The following FTO variants were observed in gnomAD, a reference collection of about 807,000 sequenced individuals.
The protein encoded by FTO is FTO alpha-ketoglutarate dependent dioxygenase.
FTO carries 47 observed loss-of-function variants against 63.9 expected under a neutral mutation model. That is an observed-to-expected ratio of 0.74 (90% confidence interval 0.58 to 0.94). The LOEUF (loss-of-function observed/expected upper bound fraction) is 0.94. FTO is among the 40% of genes least tolerant of loss of function. The pLI is 0.00. For missense variants in FTO, 562 were observed against 618.1 expected (o/e 0.91, Z 0.96); for synonymous variants, 207 against 224.4 (o/e 0.92, Z 0.69).
intron 1 of FTO, among the ~76,000 whole-genome samples, chr16:53,710,711 T>A (rs1346240406): frequency 6.6e-6 from 1 of 152,210 alleles, no homozygotes; most frequent in Non-Finnish European, 1.5e-5. Context: ...TTTTCTAATA[T>A]TTAAAAGTTG....
rs549035077 is a variant in FTO, at chr16:53,902,829, C to T, written c.1239+13878C>T. Reference sequence around the variant, plus strand: ...GGATGCAGAATTCAAAAGTTATCAACGTGGCCGGGCATGGTGGCTCATTCC... The same window carrying T: ...GGATGCAGAATTCAAAAGTTATCAATGTGGCCGGGCATGGTGGCTCATTCC... On this transcript the variant is annotated intron_variant, in intron 7 of 8. Transcript: ENST00000471389. Among the ~76,000 whole-genome samples, 260 of 152,298 alleles carry T rather than the reference C, an allele frequency of 1.7e-3. 1 individual carries two copies. The highest frequency in any genetic ancestry group is 5.8e-3 in the African/African-American group (243 of 41,570).
intron 1 of FTO, among the ~76,000 whole-genome samples, chr16:53,763,335 G>T (rs1324730211): frequency 6.6e-6 from 1 of 152,116 alleles, no homozygotes; most frequent in African/African-American, 2.4e-5. Context: ...GATAAATAAA[G>T]GTTGACAATG....
chr16:54,065,616 A>T (rs1298787849), intron 8 of FTO, among the ~76,000 whole-genome samples: 1 of 152,214 alleles, frequency 6.6e-6, no homozygotes, highest in Non-Finnish European at 1.5e-5. Flanking sequence ...TTTCAGCGAG[A>T]GTGCTTGCAG....
rs144602783 is a variant in FTO at position 53,923,745 on chromosome 16, C to T, written c.1240-10240C>T. On this transcript the variant is annotated intron_variant, in intron 7 of 8. Transcript: ENST00000471389. ...TTTTCACCATCATCTGAAACACCAG[C>T]GTTGCCAACTGGAGCTCTGAGGTCT... Among the ~76,000 whole-genome samples, 365 of 151,850 alleles carry T rather than the reference C, an allele frequency of 2.4e-3. 1 individual carries two copies. Among genetic ancestry groups the T allele is most frequent in the Middle Eastern group, 0.01 (3 of 294 alleles).
At chr16:53,793,470 T>A (rs1464811246) in intron 1 of FTO, among the ~76,000 whole-genome samples, 7 of 152,210 alleles carry the variant, frequency 4.6e-5, no homozygotes, top group East Asian at 1.9e-4. Context: ...TTAAAAAAAA[T>A]TTCCCTTGGA....
At chr16:53,889,365 A>T (rs2081089618) in intron 7 of FTO, among the ~76,000 whole-genome samples, 1 of 152,160 alleles carries the variant, frequency 6.6e-6, no homozygotes, top group Non-Finnish European at 1.5e-5. Context: ...AGGGGCAGGG[A>T]AATGAAGGGC....
chr16:53,801,250 T>TA (rs891206022), intron 1 of FTO, among the ~76,000 whole-genome samples: 6 of 152,022 alleles, frequency 3.9e-5, no homozygotes, highest in South Asian at 2.1e-4. Flanking sequence ...GTTTTTTTTT[T>TA]ATGTTGGTTT....
chr16:53,901,433 A>G (rs1187167490), intron 7 of FTO, among the ~76,000 whole-genome samples: 2 of 152,202 alleles, frequency 1.3e-5, no homozygotes, highest in Non-Finnish European at 2.9e-5. Context: ...TGAACTCAAT[A>G]CTTGCATAAA....
At chr16:54,111,210 A>G (rs763158582) in intron 8 of FTO, among the ~76,000 whole-genome samples, 4 of 152,186 alleles carry the variant, frequency 2.6e-5, no homozygotes, top group Non-Finnish European at 4.4e-5. Flanking sequence ...CTATTTGCAT[A>G]TATCCTTATA....
chr16:54,083,751 A>T (rs561157410), intron 8 of FTO, among the ~76,000 whole-genome samples: 1 of 152,272 alleles, frequency 6.6e-6, no homozygotes, highest in Non-Finnish European at 1.5e-5. Flanking sequence ...ACCACTGCCC[A>T]GCCATTTTAC....
intron 8 of FTO, among the ~76,000 whole-genome samples, chr16:53,954,606 G>A (rs905642571): frequency 3.9e-5 from 6 of 152,126 alleles, no homozygotes; most frequent in African/African-American, 1.4e-4. Flanking sequence ...TTCAGGAAGG[G>A]TGCTGGTGTG....
intron 3 of FTO, among the ~76,000 whole-genome samples, chr16:53,836,095 T>C (rs148126517): frequency 1.4e-3 from 215 of 152,300 alleles, no homozygotes; most frequent in African/African-American, 4.9e-3. Context: ...TTCACCATAT[T>C]GGCCAGGCTG....
intron 1 of FTO, among the ~76,000 whole-genome samples, chr16:53,763,399 T>A (rs2077119300): frequency 6.6e-6 from 1 of 152,164 alleles, no homozygotes; most frequent in Non-Finnish European, 1.5e-5. Context: ...AACCCGCAGA[T>A]TGTGTTTGGG....
At chr16:53,933,950 CT>C in intron 7 of FTO, 34 bp from the exon 8 acceptor site, 2 of 1,606,728 alleles carry the variant, frequency 1.2e-6, no homozygotes, top group African/African-American at 1.3e-5. Context: ...TAATTTTTCA[CT>C]TTTTCTTTCT....
intron 8 of FTO, among the ~76,000 whole-genome samples, chr16:54,009,656 A>G (rs982706010): frequency 6.6e-6 from 1 of 152,168 alleles, no homozygotes; most frequent in African/African-American, 2.4e-5. Context: ...TCTGTCCGCC[A>G]GGCTTCCCAC....
chr16:53,770,783 T>TC (rs919772329), intron 1 of FTO, among the ~76,000 whole-genome samples: 2 of 152,168 alleles, frequency 1.3e-5, no homozygotes, highest in African/African-American at 2.4e-5. Context: ...CCCTATTTTT[T>TC]CAGTTATCAT....
chr16:53,903,446 A>G (rs1052343517), intron 7 of FTO, among the ~76,000 whole-genome samples: 1 of 152,010 alleles, frequency 6.6e-6, no homozygotes, highest in East Asian at 1.9e-4. Flanking sequence ...TTTAGTAGAG[A>G]CAGGGTTTTG....
chr16:53,766,614 C>T (rs1005932908), intron 1 of FTO, among the ~76,000 whole-genome samples: 1 of 152,140 alleles, frequency 6.6e-6, no homozygotes, highest in African/African-American at 2.4e-5. Context: ...TGGACAGTCA[C>T]ATGACTGGTG....
intron 8 of FTO, chr16:53,993,148 C>T (rs1291256603): frequency 6.6e-6 from 1 of 152,162 alleles, no homozygotes; most frequent in African/African-American, 2.4e-5. Context: ...TGTCTTCAAT[C>T]GTGCTTAAAA....
Sources: allele counts gnomAD v4.1 joint callset (sites outside exome capture counted in the v4.1 genomes callset), GRCh38; gene constraint gnomAD v4.1.1; transcripts MANE v1.5; gene names NCBI Gene and HGNC (gene_info 2026-07-23, HGNC 2026-07-21).